Variants in RHBDL3 observed in about 807,000 individuals in gnomAD.
The protein encoded by RHBDL3 is rhomboid-related protein 3.
In RHBDL3, 28 loss-of-function variants were observed where a neutral mutation model predicts 48.2. The ratio of observed to expected loss-of-function variants is 0.58; its 90% CI spans 0.43 to 0.80. The LOEUF (loss-of-function observed/expected upper bound fraction) is 0.80. Ranked by LOEUF, RHBDL3 falls within the 30% of genes least tolerant of loss-of-function variation. The pLI, the probability that RHBDL3 is intolerant of heterozygous loss-of-function variation, is 0.00. For synonymous variants in RHBDL3, 208 were observed against 232.3 expected (o/e 0.90, Z 0.95); for missense variants, 464 against 542.7 (o/e 0.85, Z 1.44).
At chr17:32,317,931 G>A (rs745358082) in intron 8 of RHBDL3, among the ~76,000 whole-genome samples, 12 of 152,094 alleles carry the variant, frequency 7.9e-5, no homozygotes, top group East Asian at 3.9e-4. Context: ...GGTAGGGGTC[G>A]GGCAGTGTGG....
chr17:32,281,538 G>T (rs753006845), intron 2 of RHBDL3, among the ~76,000 whole-genome samples: 1 of 151,962 alleles, frequency 6.6e-6, no homozygotes, highest in Non-Finnish European at 1.5e-5. Flanking sequence ...TTCTCAGCCC[G>T]CACCCCACCC....
chr17:32,319,963 G>C (rs1041590617), intron 8 of RHBDL3, among the ~76,000 whole-genome samples: 14 of 152,104 alleles, frequency 9.2e-5, no homozygotes, highest in Non-Finnish European at 2.1e-4. Flanking sequence ...TGGTGATCAG[G>C]ATGAAGGCAT....
rs1262028043 is a variant in RHBDL3, at chr17:32,266,114, C to A, written c.-76C>A. The A allele has an allele frequency of 1.7e-5, 7 of 407,342 alleles. No individual in the cohort carries two copies. The South Asian group carries it at 7.2e-4, about 42-fold the overall frequency. The allele number at this position is 407,342 out of a possible 1,614,324, so 25.2% of individuals were successfully genotyped here. On this transcript the variant is annotated 5_prime_UTR_variant, in exon 1 of 9. Transcript: ENST00000269051. ...CACTGAGCCCCTGGAGCGGCGCGGC[C>A]GCCGCGGCGCAAAGTTAGCCCGGCG...
Position 32,323,514 on chromosome 17 carries a change from G to A in RHBDL3, c.*2285G>A, listed in dbSNP as rs573651586. On this transcript the variant is annotated 3_prime_UTR_variant, in exon 9 of 9. Coordinates refer to ENST00000269051, the MANE Select transcript of RHBDL3 (RefSeq NM_138328.3). ...TGTCCTGGCCCCTGGGGATTCTGTG[G>A]TGTGGGTGGAATGAGCAGAGTGCCA... 6.6e-6 allele frequency: 1 copy of A among 152,654 alleles called. No homozygotes were observed. Among genetic ancestry groups the A allele is most frequent in the South Asian group, 2.1e-4 (1 of 4,832 alleles). The allele number at this position is 152,654 out of a possible 1,614,324, so 9.5% of individuals were successfully genotyped here.
rs796813474 is a variant in RHBDL3, at chr17:32,294,255, A to G, written c.520-39A>G. 4 of 1,592,076 alleles carry G rather than the reference A, an allele frequency of 2.5e-6. No individual in the cohort carries two copies. The African/African-American group carries it at 5.4e-5, about 21-fold the overall frequency. ...CAGCACAACAGGAAGTTTCCTGGGC[A>G]GTGTGCACCTAGTAACAGACTCTCT... On this transcript the variant is annotated intron_variant, in intron 4 of 8. Coordinates refer to ENST00000269051, the MANE Select transcript of RHBDL3 (RefSeq NM_138328.3).
chr17:32,267,430 T>TGGGGGG (rs200339559), intron 1 of RHBDL3, among the ~76,000 whole-genome samples: 2 of 120,752 alleles, frequency 1.7e-5, no homozygotes, highest in African/African-American at 6.8e-5. Flanking sequence ...TGAGTTCTCC[T>TGGGGGG]GGGGGGGGAG....
At chr17:32,298,330 CT>C (rs942933896) in intron 6 of RHBDL3, 126 bp downstream of exon 6, 127 of 599,196 alleles carry the variant, frequency 2.1e-4, no homozygotes, top group Non-Finnish European at 3.5e-4. Context: ...AGGCTCCTGA[CT>C]TAACCAGGCT....
rs1807355525 is a variant in RHBDL3, at chr17:32,322,481, C to T, written c.*1252C>T. ...TATCCAAAAAGGTTCCATCCTATCTCCCTTAGGAGAGAAAGAGCTTTGGGG... is the reference window on the plus strand; with the variant it reads ...TATCCAAAAAGGTTCCATCCTATCTTCCTTAGGAGAGAAAGAGCTTTGGGG... On this transcript the variant is annotated 3_prime_UTR_variant, in exon 9 of 9. Coordinates refer to ENST00000269051, the MANE Select transcript of RHBDL3 (RefSeq NM_138328.3). 1 of 152,312 alleles carries T rather than the reference C, an allele frequency of 6.6e-6. No homozygotes were observed. The highest frequency in any genetic ancestry group is 1.5e-5 in the Non-Finnish European group (1 of 68,152). 9.4% of individuals were successfully genotyped at this position (152,312 alleles called of 1,614,324 possible). A position where few individuals can be genotyped will look rare whatever the true frequency, so the allele number is the denominator to read the frequency against.
At position 32,324,355 on chromosome 17, in the gene RHBDL3, A is replaced by G. The variant is rs2041210554; in HGVS notation, c.*3126A>G. ...GGGAGCTGTTGCTCACCACACCAGG[A>G]TCTTCCCCCAGCGTCCAATTTAATT... On this transcript the variant is annotated 3_prime_UTR_variant, in exon 9 of 9. Coordinates refer to ENST00000269051, the MANE Select transcript of RHBDL3 (RefSeq NM_138328.3). 1 of 152,620 alleles carries G rather than the reference A, an allele frequency of 6.6e-6. No homozygotes were observed. The highest frequency in any genetic ancestry group is 2.4e-5 in the African/African-American group (1 of 41,442). The allele number at this position is 152,620 out of a possible 1,614,324, so 9.5% of individuals were successfully genotyped here. A position where few individuals can be genotyped will look rare whatever the true frequency, so the allele number is the denominator to read the frequency against.
chr17:32,298,666 G>A (rs571083022), intron 6 of RHBDL3, among the ~76,000 whole-genome samples: 1 of 152,238 alleles, frequency 6.6e-6, no homozygotes, highest in African/African-American at 2.4e-5. Flanking sequence ...AATCAAAGGG[G>A]TGAGTGGAGC....
chr17:32,312,479 G>A (rs1376072582), intron 7 of RHBDL3, among the ~76,000 whole-genome samples: 1 of 152,066 alleles, frequency 6.6e-6, no homozygotes, highest in Admixed American at 6.6e-5. Context: ...CTCAGAGGGG[G>A]CCGAGCACAA....
chr17:32,321,363 T>A lies in RHBDL3; in HGVS notation c.*134T>A. The A allele has an allele frequency of 1.9e-6, 3 of 1,542,776 alleles. No individual in the cohort carries two copies. Among genetic ancestry groups the A allele is most frequent in the Non-Finnish European group, 2.6e-6 (3 of 1,149,322 alleles). ...GAAGACTCTGGGCCACTGTAATGTT[T>A]GTGTTTAGATTTGGACACACAGTGG... On this transcript the variant is annotated 3_prime_UTR_variant, in exon 9 of 9. Coordinates refer to ENST00000269051, the MANE Select transcript of RHBDL3 (RefSeq NM_138328.3).
At chr17:32,319,763 T>C (rs1168605015) in intron 8 of RHBDL3, among the ~76,000 whole-genome samples, 1 of 152,208 alleles carries the variant, frequency 6.6e-6, no homozygotes, top group African/African-American at 2.4e-5. Flanking sequence ...GGTAGCTAAA[T>C]AGGTATAAAA....
At chr17:32,297,539 C>G (rs2040480303) in intron 5 of RHBDL3, among the ~76,000 whole-genome samples, 1 of 151,850 alleles carries the variant, frequency 6.6e-6, no homozygotes, top group Non-Finnish European at 1.5e-5. Context: ...GTGAATGGAG[C>G]AGGTCAGGCA....
At chr17:32,276,673 C>T (rs921611218) in intron 2 of RHBDL3, among the ~76,000 whole-genome samples, 2 of 151,722 alleles carry the variant, frequency 1.3e-5, no homozygotes, top group African/African-American at 4.8e-5. Context: ...CGGACTCCAG[C>T]GCTAGCACCG....
At position 32,320,959 on chromosome 17, in the gene RHBDL3, G is replaced by A. The variant is rs1277890606; in HGVS notation, c.945G>A (p.Met315Ile). 6.8e-6 allele frequency: 11 copies of A among 1,609,642 alleles called. No homozygotes were observed. The highest frequency in any genetic ancestry group is 9.3e-6 in the Non-Finnish European group (11 of 1,177,662). ...TCTCTCTGCTTCCTCCCCTTGCAGTGAGCATGGAGTTTGGGCGGGCCGTGT... is the reference window on the plus strand; with the variant it reads ...TCTCTCTGCTTCCTCCCCTTGCAGTAAGCATGGAGTTTGGGCGGGCCGTGT... The part of the protein sequence containing the change: ...LLRMAVALIC[M>I]SMEFGRAVWL... Residue 315 changes from methionine to isoleucine, a missense_variant and splice_region_variant, in exon 9 of 9, where the codon ATG becomes ATA. Coordinates refer to ENST00000269051, the MANE Select transcript of RHBDL3 (RefSeq NM_138328.3).
intron 7 of RHBDL3, among the ~76,000 whole-genome samples, chr17:32,315,890 C>G (rs2040960994): frequency 6.6e-6 from 1 of 151,792 alleles, no homozygotes; most frequent in East Asian, 1.9e-4. Context: ...TCTGTCTTGA[C>G]TTTGCTTGGT....
chr17:32,302,751 C>T (rs991372477), intron 6 of RHBDL3, among the ~76,000 whole-genome samples: 2 of 152,010 alleles, frequency 1.3e-5, no homozygotes, highest in East Asian at 1.9e-4. Context: ...GTTCCAGAAT[C>T]GGGACCCGAG....
intron 4 of RHBDL3, among the ~76,000 whole-genome samples, chr17:32,293,173 A>AGCG (rs565960525): frequency 5.9e-5 from 6 of 102,504 alleles, no homozygotes; most frequent in African/African-American, 1.7e-4. Context: ...GGCTGGAGGG[A>AGCG]GGGGGTGGGG....
Sources: gnomAD v4.1 joint callset for allele counts (sites outside exome capture counted in the v4.1 genomes callset) on GRCh38, gnomAD v4.1.1 for gene constraint, MANE v1.5 for transcripts, NCBI Gene and HGNC (gene_info 2026-07-23, HGNC 2026-07-21) for gene names.